Variants in EIF4G3 observed in about 807,000 individuals in gnomAD.
EIF4G3 encodes the protein eukaryotic translation initiation factor 4 gamma 3.
In EIF4G3, 34 loss-of-function variants were observed where a neutral mutation model predicts 186.4. The ratio of observed to expected loss-of-function variants is 0.18; its 90% CI spans 0.14 to 0.24. The LOEUF is 0.24. Ranked by LOEUF, EIF4G3 falls within the 10% of genes least tolerant of loss-of-function variation. EIF4G3 has a pLI of 1.00. For synonymous variants in EIF4G3, 673 were observed against 679.5 expected (o/e 0.99, Z 0.15); for missense variants, 1,536 against 1,948.5 (o/e 0.79, Z 3.99).
chr1:21,053,885 C>T (rs1377144912), intron 3 of EIF4G3, among the ~76,000 whole-genome samples: 5 of 133,248 alleles, frequency 3.8e-5, no homozygotes, highest in African/African-American at 8.5e-5. Context: ...GCCCCGTCTG[C>T]GAGGTGAGGG....
intron 2 of EIF4G3, among the ~76,000 whole-genome samples, chr1:21,170,649 C>T (rs1028286102): frequency 6.6e-6 from 1 of 151,386 alleles, no homozygotes; most frequent in African/African-American, 2.4e-5. Context: ...CCAGCCTGGG[C>T]GACAGAGACT....
intron 14 of EIF4G3, among the ~76,000 whole-genome samples, chr1:20,940,976 C>T (rs1160939173): frequency 6.6e-6 from 1 of 152,152 alleles, no homozygotes; most frequent in African/African-American, 2.4e-5. Flanking sequence ...GCAAGTGAAT[C>T]AACAACAGCA....
chr1:21,078,032 C>A (rs1027954655), intron 3 of EIF4G3, among the ~76,000 whole-genome samples: 9 of 152,064 alleles, frequency 5.9e-5, no homozygotes, highest in Non-Finnish European at 1.3e-4. Context: ...ACCATATGAT[C>A]CAGCAATCTC....
rs547980752 is a variant in EIF4G3 at position 20,998,266 on chromosome 1, C to T, written c.145-633G>A. 6.7e-5 allele frequency among the ~76,000 whole-genome samples: 10 copies of T among 150,296 alleles called. No individual in the cohort carries two copies. The East Asian group carries it at 1.6e-3, about 23-fold the overall frequency. On this transcript the variant is annotated intron_variant, in intron 6 of 36. Transcript: ENST00000602326. ...ACACACACAAGTTTAAGTTTAAATGCGGTTAACTAATATAATTTAATACAA... is the reference window on the plus strand; with the variant it reads ...ACACACACAAGTTTAAGTTTAAATGTGGTTAACTAATATAATTTAATACAA...
intron 30 of EIF4G3, among the ~76,000 whole-genome samples, chr1:20,830,989 T>C (rs1281544415): frequency 6.6e-6 from 1 of 152,236 alleles, no homozygotes; most frequent in African/African-American, 2.4e-5. Flanking sequence ...ATTAATGCTT[T>C]GCACCACACG....
At chr1:21,016,184 G>A (rs1374542708) in intron 4 of EIF4G3, among the ~76,000 whole-genome samples, 1 of 152,120 alleles carries the variant, frequency 6.6e-6, no homozygotes, top group Non-Finnish European at 1.5e-5. Flanking sequence ...TACGGTTTTT[G>A]TAACCAACTG....
chr1:20,820,185 C>T (rs892732323), intron 33 of EIF4G3, among the ~76,000 whole-genome samples: 1 of 152,158 alleles, frequency 6.6e-6, no homozygotes, highest in Non-Finnish European at 1.5e-5. Context: ...AGGGAGCAGG[C>T]AGGATCTCCC....
chr1:21,045,647 C>A (rs2093839068), intron 4 of EIF4G3, among the ~76,000 whole-genome samples: 1 of 152,154 alleles, frequency 6.6e-6, no homozygotes, highest in Non-Finnish European at 1.5e-5. Context: ...CCTAGTTAAT[C>A]AGCGCCAGTT....
At chr1:20,851,783 C>T (rs994030782) in intron 27 of EIF4G3, among the ~76,000 whole-genome samples, 1 of 151,968 alleles carries the variant, frequency 6.6e-6, no homozygotes, top group Non-Finnish European at 1.5e-5. Context: ...TTTGGGAGGC[C>T]GAGCAGGGCA....
At chr1:20,861,942 C>G (rs2076446669) in intron 23 of EIF4G3, among the ~76,000 whole-genome samples, 1 of 152,008 alleles carries the variant, frequency 6.6e-6, no homozygotes, top group Admixed American at 6.5e-5. Context: ...CCACTGCACT[C>G]CAGCCTGGGC....
At position 20,980,435 on chromosome 1, in the gene EIF4G3, C is replaced by A; in HGVS notation, c.392G>T (p.Gly131Val). 1 of 1,548,392 alleles carries A rather than the reference C, an allele frequency of 6.5e-7. No homozygotes were observed. The highest frequency in any genetic ancestry group is 1.4e-5 in the African/African-American group (1 of 69,444). Residue 131 changes from glycine (G) to valine (V), a missense_variant, in exon 10 of 37, where the codon GGC (glycine) becomes GTC (valine). Around this residue, in one of 11 missense-constraint regions of EIF4G3, gnomAD observed 194 missense variants for 212.8 expected, o/e 0.91. Transcript: ENST00000602326. ...TTGGGGGGGCCCAACATAAGGAGGG[C>A]CACTATGACGGTACTAGAAAAGAGA... Reference protein sequence around the residue: ...QYCIPQYRHSGPPYVGPPQQY... With the variant: ...QYCIPQYRHSVPPYVGPPQQY...
rs149144545 is a variant in EIF4G3, at chr1:21,126,196, G to A, written c.-271-36983C>T. Among the ~76,000 whole-genome samples the A allele has an allele frequency of 1.2e-4, 17 of 147,526 alleles. No homozygotes were observed. In the East Asian group the frequency reaches 3.4e-3, roughly 30 times the overall value. On this transcript the variant is annotated intron_variant, in intron 2 of 36. Transcript: ENST00000602326. ...CACTCCAACCTGGGTGACAGATTGA[G>A]ACCCTGTCTCAAGAATGTATATAAA...
chr1:21,080,751 G>A (rs2095751830), intron 3 of EIF4G3, among the ~76,000 whole-genome samples: 1 of 152,068 alleles, frequency 6.6e-6, no homozygotes, highest in Non-Finnish European at 1.5e-5. Context: ...TTCGTGATCT[G>A]CCCACCTCAG....
At chr1:21,035,525 T>A (rs1052226704) in intron 4 of EIF4G3, among the ~76,000 whole-genome samples, 1 of 152,164 alleles carries the variant, frequency 6.6e-6, no homozygotes, top group East Asian at 1.9e-4. Context: ...GGTCTCCAAT[T>A]GGGGTTGGGG....
intron 3 of EIF4G3, among the ~76,000 whole-genome samples, chr1:21,087,107 A>G (rs1251742049): frequency 2.6e-5 from 4 of 152,112 alleles, no homozygotes; most frequent in Non-Finnish European, 5.9e-5. Flanking sequence ...CTTCTCTATC[A>G]TATCACTTTA....
At chr1:20,885,264 G>A in intron 19 of EIF4G3, among the ~76,000 whole-genome samples, 1 of 152,120 alleles carries the variant, frequency 6.6e-6, no homozygotes, top group South Asian at 2.1e-4. Flanking sequence ...CTGATCTCAG[G>A]GACATCATCG....
rs189900998 is a variant in EIF4G3, at chr1:20,960,963, A to G, written c.714+8511T>C. Among the ~76,000 whole-genome samples the G allele has an allele frequency of 5.3e-5, 8 of 152,348 alleles. No homozygotes were observed. The East Asian group carries it at 1.5e-3, about 29-fold the overall frequency. On this transcript the variant is annotated intron_variant, in intron 12 of 36. Coordinates refer to ENST00000602326, the MANE Select transcript of EIF4G3 (RefSeq NM_001391906.1). ...CAACAGATAATTCATACACCCACAA[A>G]TAACTGGTGAACATCGAAAACTTCT...
intron 14 of EIF4G3, among the ~76,000 whole-genome samples, chr1:20,931,903 G>A (rs918602629): frequency 7.1e-6 from 1 of 141,664 alleles, no homozygotes; most frequent in Non-Finnish European, 1.5e-5. Context: ...CCAGGCTGGA[G>A]ACAGAGCAAG....
At chr1:21,171,615 TCAGA>T (rs1472883824) in intron 2 of EIF4G3, among the ~76,000 whole-genome samples, 3 of 152,174 alleles carry the variant, frequency 2.0e-5, no homozygotes, top group African/African-American at 7.2e-5. Context: ...TCACTTACCA[TCAGA>T]CAAAGAAAAC....
Sources: gnomAD v4.1 joint callset for allele counts (sites outside exome capture counted in the v4.1 genomes callset) on GRCh38, gnomAD v4.1.1 for gene constraint, gnomAD v4.1.1 regional missense constraint, MANE v1.5 for transcripts, NCBI Gene and HGNC (gene_info 2026-07-23, HGNC 2026-07-21) for gene names.